The following REPS2 variants were observed in gnomAD, a reference collection of about 807,000 sequenced individuals.
The protein encoded by REPS2 is RALBP1 associated Eps domain containing 2.
REPS2 carries 23 observed loss-of-function variants against 53.6 expected under a neutral mutation model. The observed-to-expected ratio is 0.43, with a 90% CI of 0.31 to 0.61. The LOEUF is 0.61. REPS2 is among the 20% of genes least tolerant of loss of function. REPS2 has a pLI of 0.11. For missense variants in REPS2, 446 were observed against 534.9 expected (o/e 0.83, Z 1.64); for synonymous variants, 238 against 218.6 (o/e 1.09, Z -0.78).
At chrX:16,973,875 A>G (rs977782168) in intron 1 of REPS2, among the ~76,000 whole-genome samples, 3 of 110,950 alleles carry the variant, frequency 2.7e-5, no homozygotes, top group Non-Finnish European at 3.8e-5. Flanking sequence ...ATGTTCTTCT[A>G]TGCCTTAATA....
At position 17,035,901 on chromosome X, in the gene REPS2, A is replaced by G. The variant is rs113959055; in HGVS notation, c.771+6278A>G. 4.6e-3 allele frequency among the ~76,000 whole-genome samples: 521 copies of G among 112,291 alleles called. 2 individuals are homozygous for G. Among genetic ancestry groups the G allele is most frequent in the African/African-American group, 0.016 (499 of 30,885 alleles). ...TTTTTTACACATATGGTGGCATACTATACATCTAACATGCATTTAGCACTA... is the reference window on the plus strand; with the variant it reads ...TTTTTTACACATATGGTGGCATACTGTACATCTAACATGCATTTAGCACTA... On this transcript the variant is annotated intron_variant, in intron 5 of 17. Transcript: ENST00000357277.
chrX:17,143,438 C>T (rs2063472577), intron 17 of REPS2, among the ~76,000 whole-genome samples: 1 of 58,957 alleles, frequency 1.7e-5, no homozygotes, highest in South Asian at 9.6e-4. Context: ...CCATTGTTCT[C>T]TACATTTGGT....
chrX:16,975,094 A>G (rs751121706), intron 1 of REPS2, among the ~76,000 whole-genome samples: 1 of 111,398 alleles, frequency 9.0e-6, no homozygotes, highest in Non-Finnish European at 1.9e-5. Context: ...TATGTACCAC[A>G]TTTTCTTTAT....
At chrX:17,131,461 C>T (rs16997173) in intron 14 of REPS2, among the ~76,000 whole-genome samples, 5 of 111,185 alleles carry the variant, frequency 4.5e-5, no homozygotes, top group Non-Finnish European at 9.4e-5. Context: ...GAGAAGGCCA[C>T]GTTAGGGATG....
chrX:17,157,538 T>C (rs2063623441), downstream of REPS2, among the ~76,000 whole-genome samples: 1 of 112,186 alleles, frequency 8.9e-6, no homozygotes, highest in Non-Finnish European at 1.9e-5. Flanking sequence ...TGGCAATGCC[T>C]AGAGATAGTT....
At chrX:17,191,431 C>T in the REPS2 span, among the ~76,000 whole-genome samples, 1 of 112,203 alleles carries the variant, frequency 8.9e-6, no homozygotes, top group Non-Finnish European at 1.9e-5. Context: ...TTAAAAGCAA[C>T]AATATCAAAT....
At chrX:17,026,333 C>CA (rs949013619) in intron 4 of REPS2, among the ~76,000 whole-genome samples, 1 of 110,634 alleles carries the variant, frequency 9.0e-6, no homozygotes, top group African/African-American at 3.3e-5. Flanking sequence ...TGGATAGTAA[C>CA]AAAAAAATCA....
intron 14 of REPS2, among the ~76,000 whole-genome samples, chrX:17,126,327 A>G (rs1410702891): frequency 9.0e-6 from 1 of 111,571 alleles, no homozygotes; most frequent in African/African-American, 3.3e-5. Context: ...TCTGCCAACC[A>G]CAGTGGAGAA....
chrX:17,139,046 A>C, intron 17 of REPS2, 85 bp downstream of exon 17: 1 of 536,583 alleles, frequency 1.9e-6, no homozygotes, highest in Non-Finnish European at 3.0e-6. Context: ...GCATATAATA[A>C]TTGTACATAT....
chrX:17,120,767 A>C (rs2063130888), intron 14 of REPS2, among the ~76,000 whole-genome samples: 1 of 112,248 alleles, frequency 8.9e-6, no homozygotes. Flanking sequence ...TATAGCCTAC[A>C]GGCCAAATCC....
intron 14 of REPS2, among the ~76,000 whole-genome samples, chrX:17,126,908 T>G (rs2063218730): frequency 8.9e-6 from 1 of 111,972 alleles, no homozygotes; most frequent in African/African-American, 3.3e-5. Flanking sequence ...TTCATGGAAC[T>G]GGTGCTTCCT....
At position 17,103,737 on chromosome X, in the gene REPS2, A is replaced by G. The variant is rs1053469307; in HGVS notation, c.1536A>G (p.Leu512=). ...PSVPATKSGL[L]PPPPALPPRP... ...TTTCAGCTACCAAGTCAGGATTGTT[A>G]CCCCCACCACCTGCGCTCCCTCCAA... Residue 512 remains leucine, a synonymous_variant, in exon 14 of 18, where the codon TTA becomes TTG. Transcript: ENST00000357277. 7 of 1,210,251 alleles carry G rather than the reference A, an allele frequency of 5.8e-6. No homozygotes were observed. The highest frequency in any genetic ancestry group is 7.8e-6 in the Non-Finnish European group (7 of 894,681).
At chrX:17,054,730 G>A in intron 7 of REPS2, 78 bp from the exon 8 acceptor site, 2 of 1,083,229 alleles carry the variant, frequency 1.8e-6, no homozygotes, top group Non-Finnish European at 2.5e-6. Flanking sequence ...GAGTCTGGGA[G>A]TTTTATTGGC....
At chrX:17,191,951 G>A in the REPS2 span, among the ~76,000 whole-genome samples, 5 of 112,429 alleles carry the variant, frequency 4.4e-5, no homozygotes, top group Non-Finnish European at 9.4e-5. Context: ...CTTGATTATG[G>A]TGGTGCTTAC....
intron 7 of REPS2, among the ~76,000 whole-genome samples, chrX:17,052,949 A>G: frequency 1.8e-5 from 2 of 111,540 alleles, no homozygotes; most frequent in Non-Finnish European, 3.8e-5. Flanking sequence ...GCCCTAATTC[A>G]GACTTGCAGC....
At chrX:17,158,075 C>T (rs868308568), downstream of REPS2, among the ~76,000 whole-genome samples, 20 of 110,820 alleles carry the variant, frequency 1.8e-4, no homozygotes, top group African/African-American at 5.5e-4. Context: ...CTCCCTCATC[C>T]CACAGTAATC....
At chrX:17,123,415 C>CT (rs1186559222) in intron 14 of REPS2, among the ~76,000 whole-genome samples, 3 of 112,779 alleles carry the variant, frequency 2.7e-5, no homozygotes, top group Admixed American at 9.3e-5. Flanking sequence ...ATAAAGTGCT[C>CT]ATAGTCCTTT....
intron 9 of REPS2, among the ~76,000 whole-genome samples, chrX:17,067,125 A>G (rs1488315534): frequency 8.9e-6 from 1 of 111,931 alleles, no homozygotes; most frequent in African/African-American, 3.2e-5. Context: ...TTAAATATAA[A>G]CAATATCAAA....
intron 14 of REPS2, among the ~76,000 whole-genome samples, chrX:17,117,443 G>A (rs2063070777): frequency 9.2e-6 from 1 of 108,926 alleles, no homozygotes; most frequent in Non-Finnish European, 1.9e-5. Context: ...CCCCACAACA[G>A]TCCCCAGTGT....
Sources: allele counts gnomAD v4.1 joint callset (sites outside exome capture counted in the v4.1 genomes callset), GRCh38; gene constraint gnomAD v4.1.1; transcripts MANE v1.5; gene names NCBI Gene and HGNC (gene_info 2026-07-23, HGNC 2026-07-21).